PCDHB7: variants seen among roughly 807,000 people sequenced by gnomAD.
PCDHB7 encodes protocadherin beta-7.
For missense variants in PCDHB7, 1,148 were observed against 1,011.6 expected (o/e 1.13, Z -1.83); for synonymous variants, 542 against 463.1 (o/e 1.17, Z -2.19).
chr5:141,175,022 C>A lies in PCDHB7; in HGVS notation c.2187C>A (p.Pro729=). ...PVGRCSVPEG[P]FPRHLVDLSG... is the part of the protein sequence containing the mutation. ...GTCGCTGCTCGGTGCCTGAGGGCCC[C>A]TTTCCACGACATCTGGTGGACTTGA... Residue 729 remains proline (P), a synonymous_variant, in exon 1 of 1, where the codon CCC becomes CCA. Transcript: ENST00000231137. 6.2e-7 allele frequency: 1 copy of A among 1,614,120 alleles called. No individual in the cohort carries two copies. Among genetic ancestry groups the A allele is most frequent in the Non-Finnish European group, 8.5e-7 (1 of 1,179,966 alleles).
At position 141,173,722 on chromosome 5, in the gene PCDHB7, C is replaced by G; in HGVS notation, c.887C>G (p.Pro296Arg). 1 of 1,613,872 alleles carries G rather than the reference C, an allele frequency of 6.2e-7. No homozygotes were observed. The highest frequency in any genetic ancestry group is 8.5e-7 in the Non-Finnish European group (1 of 1,179,810). ...ATTCTCAAAACGTTTCAAATCAATC[C>G]AACATCTGGCAGTCTTCATCTTAAA... ...ERILKTFQINPTSGSLHLKAQ... is the reference protein window; with the variant it reads ...ERILKTFQINRTSGSLHLKAQ... Residue 296 changes from proline (P) to arginine (R), a missense_variant, in exon 1 of 1, where the codon CCA becomes CGA. Pro to Arg is a moderately radical substitution (Grantham distance 103). Transcript: ENST00000231137.
rs782515033 is a variant in PCDHB7, at chr5:141,172,857, G to C, written c.22G>C (p.Ala8Pro). 16 of 1,613,796 alleles carry C rather than the reference G, an allele frequency of 9.9e-6. No individual in the cohort carries two copies. The highest frequency in any genetic ancestry group is 1.6e-4 in the Middle Eastern group (1 of 6,084). The change falls in exon 1 of 1, where the codon GCT (alanine) becomes CCT (proline). Residue 8 changes from alanine to proline, a missense_variant. Coordinates refer to ENST00000231137, the MANE Select transcript of PCDHB7 (RefSeq NM_018940.4). ...AAGAATGGAGGCCAGAGTGGAGCGT[G>C]CTGTGCAGAAAAGGCAAGTCTTATT... MEARVER[A>P]VQKRQVLFLC...
Position 141,175,358 on chromosome 5 carries a change from G to A in PCDHB7, c.*141G>A. 3.1e-6 allele frequency: 3 copies of A among 982,898 alleles called. No individual in the cohort carries two copies. Among genetic ancestry groups the A allele is most frequent in the Non-Finnish European group, 4.4e-6 (3 of 679,600 alleles). The allele number at this position is 982,898 out of a possible 1,614,324, so 60.9% of individuals were successfully genotyped here. On this transcript the variant is annotated 3_prime_UTR_variant, in exon 1 of 1. Coordinates refer to ENST00000231137, the MANE Select transcript of PCDHB7 (RefSeq NM_018940.4). ...GCAATAAATTTCTATACATAAAATAGGATCCTGATTTAGTATCAAGAACCC... is the reference window on the plus strand; with the variant it reads ...GCAATAAATTTCTATACATAAAATAAGATCCTGATTTAGTATCAAGAACCC...
In PCDHB7 at chr5:141,174,239, G is replaced by C; in HGVS notation, c.1404G>C (p.Leu468=). The C allele has an allele frequency of 6.2e-7, 1 of 1,612,724 alleles. No individual in the cohort carries two copies. Residue 468 remains leucine, a synonymous_variant, in exon 1 of 1, where the codon CTG becomes CTC. Transcript: ENST00000231137. ...TCCGTGAGAACAACAGCCCCGCCCT[G>C]CCCATCGGCAGTGTCAGCGCCACAG... ...LFVRENNSPA[L]PIGSVSATDR...
In PCDHB7 at chr5:141,174,803, C is replaced by T. The variant is rs1554280328; in HGVS notation, c.1968C>T (p.Ala656=). 6.2e-7 allele frequency: 1 copy of T among 1,611,644 alleles called. No homozygotes were observed. Among genetic ancestry groups the T allele is most frequent in the Admixed American group, 1.7e-5 (1 of 59,982 alleles). ...GCGAGCCTCCGCGCTCGGCCACCGC[C>T]ACGCTGCACGTGCTCCTGGTGGACG... ...DNGEPPRSAT[A]TLHVLLVDGF... Residue 656 remains alanine, a synonymous_variant, in exon 1 of 1, where the codon GCC becomes GCT. Transcript: ENST00000231137.
chr5:141,174,405 C>G lies in PCDHB7; in HGVS notation c.1570C>G (p.Leu524Val), dbSNP rs1554280230. ...FALRSLDYEA[L>V]QAFEFRVGAT... ...CCTCAGGTCCCTGGACTACGAGGCC[C>G]TGCAGGCGTTCGAGTTCCGCGTGGG... Residue 524 changes from leucine to valine, a missense_variant, in exon 1 of 1, where the codon CTG becomes GTG. Physicochemically the swap from Leu to Val is conservative, Grantham distance 32. Coordinates refer to ENST00000231137, the MANE Select transcript of PCDHB7 (RefSeq NM_018940.4). The G allele has an allele frequency of 2.5e-6, 4 of 1,612,450 alleles. No individual in the cohort carries two copies. The highest frequency in any genetic ancestry group is 4.5e-5 in the East Asian group (2 of 44,848).
Position 141,175,159 on chromosome 5 carries a change from A to G in PCDHB7, c.2324A>G (p.Gln775Arg), listed in dbSNP as rs1588350413. ...CCAATTATCCCCAACCTGCTACCCC[A>G]GAGCACAGGCAGGGAAGTGGAAGAA... ...LKPIIPNLLP[Q>R]STGREVEENR... Residue 775 changes from glutamine to arginine, a missense_variant, in exon 1 of 1, where the codon CAG becomes CGG. Coordinates refer to ENST00000231137, the MANE Select transcript of PCDHB7 (RefSeq NM_018940.4). 1 of 1,614,016 alleles carries G rather than the reference A, an allele frequency of 6.2e-7. No individual in the cohort carries two copies. Among genetic ancestry groups the G allele is most frequent in the Non-Finnish European group, 8.5e-7 (1 of 1,179,890 alleles).
chr5:141,173,619 G>C lies in PCDHB7; in HGVS notation c.784G>C (p.Val262Leu), dbSNP rs782392906. 6.2e-7 allele frequency: 1 copy of C among 1,614,182 alleles called. No homozygotes were observed. Among genetic ancestry groups the C allele is most frequent in the South Asian group, 1.1e-5 (1 of 91,080 alleles). ...PENSPVGSMV[V>L]SVSARDLDTG... ...AAATAGCCCCGTTGGTTCCATGGTT[G>C]TCTCCGTGTCAGCCAGAGATTTAGA... Residue 262 changes from valine (V) to leucine (L), a missense_variant, in exon 1 of 1, where the codon GTC becomes CTC. By Grantham distance (32) the Val-to-Leu change is conservative. Transcript: ENST00000231137.
In PCDHB7 at chr5:141,172,781, T is replaced by G; in HGVS notation, c.-55T>G. 3 of 1,441,246 alleles carry G rather than the reference T, an allele frequency of 2.1e-6. No homozygotes were observed. Among genetic ancestry groups the G allele is most frequent in the Non-Finnish European group, 2.9e-6 (3 of 1,044,842 alleles). 89.3% of individuals were successfully genotyped at this position (1,441,246 alleles called of 1,614,324 possible). Reference sequence around the variant, plus strand: ...CAAAGGATTCCGCTGCTGCCATTTGTGAGAGCCGCTGGAGGCTGAGTGAAA... The same window carrying G: ...CAAAGGATTCCGCTGCTGCCATTTGGGAGAGCCGCTGGAGGCTGAGTGAAA... On this transcript the variant is annotated 5_prime_UTR_variant, in exon 1 of 1. The change abolishes the stop of an existing upstream ORF in the 5' untranslated region. Coordinates refer to ENST00000231137, the MANE Select transcript of PCDHB7 (RefSeq NM_018940.4).
Position 141,175,110 on chromosome 5 carries a change from A to G in PCDHB7, c.2275A>G (p.Thr759Ala). 3 of 1,614,232 alleles carry G rather than the reference A, an allele frequency of 1.9e-6. No homozygotes were observed. In the South Asian group the frequency reaches 3.3e-5, roughly 18 times the overall value. ...YEVCLTGGSG[T>A]NEFKFLKPII... Reference sequence around the variant, plus strand: ...GGTGTGCCTGACTGGAGGCTCCGGGACAAATGAGTTCAAGTTTCTGAAACC... The same window carrying G: ...GGTGTGCCTGACTGGAGGCTCCGGGGCAAATGAGTTCAAGTTTCTGAAACC... The change falls in exon 1 of 1, where the codon ACA (threonine) becomes GCA (alanine). Residue 759 changes from threonine to alanine, a missense_variant. Thr to Ala is a moderately conservative substitution (Grantham distance 58). Coordinates refer to ENST00000231137, the MANE Select transcript of PCDHB7 (RefSeq NM_018940.4).
Position 141,175,057 on chromosome 5 carries a change from G to A in PCDHB7, c.2222G>A (p.Gly741Glu). The A allele has an allele frequency of 6.2e-7, 1 of 1,614,240 alleles. No individual in the cohort carries two copies. The highest frequency in any genetic ancestry group is 1.1e-5 in the South Asian group (1 of 91,086). Residue 741 changes from glycine to glutamate, a missense_variant, in exon 1 of 1, where the codon GGG (glycine) becomes GAG (glutamate). Coordinates refer to ENST00000231137, the MANE Select transcript of PCDHB7 (RefSeq NM_018940.4). ...PRHLVDLSGTGTLSQSYQYEV... is the reference protein window; with the variant it reads ...PRHLVDLSGTETLSQSYQYEV... ...CATCTGGTGGACTTGAGCGGCACCG[G>A]GACCCTATCCCAGAGCTACCAGTAT...
chr5:141,174,270 G>A lies in PCDHB7; in HGVS notation c.1435G>A (p.Asp479Asn). 3 of 1,612,604 alleles carry A rather than the reference G, an allele frequency of 1.9e-6. No individual in the cohort carries two copies. The highest frequency in any genetic ancestry group is 2.5e-6 in the Non-Finnish European group (3 of 1,179,596). ...PIGSVSATDR[D>N]SGTNAQVIYS... ...CGGCAGTGTCAGCGCCACAGACAGA[G>A]ACTCGGGCACCAACGCCCAGGTCAT... Residue 479 changes from aspartate (D) to asparagine (N), a missense_variant, in exon 1 of 1, where the codon GAC becomes AAC. Asp to Asn is a conservative substitution (Grantham distance 23). Transcript: ENST00000231137.
Position 141,174,496 on chromosome 5 carries a change from C to T in PCDHB7, c.1661C>T (p.Ala554Val), listed in dbSNP as rs17844467. Reference protein sequence around the residue: ...EALVRVLVLDANDNSPFVLYP... With the variant: ...EALVRVLVLDVNDNSPFVLYP... Reference sequence around the variant, plus strand: ...CTGGTGCGCGTGCTGGTGCTGGACGCCAACGACAACTCGCCCTTCGTGCTG... The same window carrying T: ...CTGGTGCGCGTGCTGGTGCTGGACGTCAACGACAACTCGCCCTTCGTGCTG... Residue 554 changes from alanine (A) to valine (V), a missense_variant, in exon 1 of 1, where the codon GCC (alanine) becomes GTC (valine). Transcript: ENST00000231137. 2 of 1,611,174 alleles carry T rather than the reference C, an allele frequency of 1.2e-6. No individual in the cohort carries two copies. The highest frequency in any genetic ancestry group is 2.2e-5 in the South Asian group (2 of 90,968).
At position 141,174,246 on chromosome 5, in the gene PCDHB7, G is replaced by T; in HGVS notation, c.1411G>T (p.Gly471Cys). The T allele has an allele frequency of 2.5e-6, 4 of 1,612,746 alleles. No individual in the cohort carries two copies. Among genetic ancestry groups the T allele is most frequent in the Non-Finnish European group, 3.4e-6 (4 of 1,179,702 alleles). Residue 471 changes from glycine (G) to cysteine (C), a missense_variant, in exon 1 of 1, where the codon GGC becomes TGC. Gly to Cys is a radical substitution (Grantham distance 159, BLOSUM62 -3). Coordinates refer to ENST00000231137, the MANE Select transcript of PCDHB7 (RefSeq NM_018940.4). ...GAACAACAGCCCCGCCCTGCCCATC[G>T]GCAGTGTCAGCGCCACAGACAGAGA... ...RENNSPALPI[G>C]SVSATDRDSG...
At position 141,174,978 on chromosome 5, in the gene PCDHB7, A is replaced by G. The variant is rs782038638; in HGVS notation, c.2143A>G (p.Ser715Gly). Residue 715 changes from serine to glycine, a missense_variant, in exon 1 of 1, where the codon AGC becomes GGC. Ser to Gly is a moderately conservative substitution (Grantham distance 56, BLOSUM62 0). Transcript: ENST00000231137. ...LFVAVRLCRR[S>G]RAAPVGRCSV... ...CGTGGCGGTGCGGCTGTGCAGGAGG[A>G]GCAGGGCGGCCCCGGTGGGTCGCTG... 9 of 1,610,828 alleles carry G rather than the reference A, an allele frequency of 5.6e-6. No individual in the cohort carries two copies. The African/African-American group carries it at 1.2e-4, about 22-fold the overall frequency.
chr5:141,174,425 C>G lies in PCDHB7; in HGVS notation c.1590C>G (p.Arg530=), dbSNP rs2907329. Residue 530 remains arginine, a synonymous_variant, in exon 1 of 1, where the codon CGC becomes CGG. Transcript: ENST00000231137. ...AGGCCCTGCAGGCGTTCGAGTTCCG[C>G]GTGGGCGCCACAGACCGCGGCTCCC... ...DYEALQAFEF[R]VGATDRGSPA... is the part of the protein sequence containing the mutation. 864,470 of 1,594,504 alleles carry G rather than the reference C, an allele frequency of 0.54. 206,850 individuals are homozygous for G. Among genetic ancestry groups the G allele is most frequent in the East Asian group, 0.68 (30,331 of 44,678 alleles).
At position 141,173,475 on chromosome 5, in the gene PCDHB7, G is replaced by T. The variant is rs1753267115; in HGVS notation, c.640G>T (p.Ala214Ser). The change falls in exon 1 of 1, where the codon GCT (alanine) becomes TCT (serine). Residue 214 changes from alanine to serine, a missense_variant. Coordinates refer to ENST00000231137, the MANE Select transcript of PCDHB7 (RefSeq NM_018940.4). ...EIPEFSLTLT[A>S]LDGGSPPRSG... ...ACCAGAGTTCAGTTTAACCCTCACCGCTTTAGACGGCGGCTCTCCTCCAAG... is the reference window on the plus strand; with the variant it reads ...ACCAGAGTTCAGTTTAACCCTCACCTCTTTAGACGGCGGCTCTCCTCCAAG... 1 of 1,614,004 alleles carries T rather than the reference G, an allele frequency of 6.2e-7. No individual in the cohort carries two copies. Among genetic ancestry groups the T allele is most frequent in the Admixed American group, 1.7e-5 (1 of 59,994 alleles).
rs543108884 is a variant in PCDHB7, at chr5:141,174,748, A to G, written c.1913A>G (p.Gln638Arg). The change falls in exon 1 of 1, where the codon CAG (glutamine) becomes CGG (arginine). Residue 638 changes from glutamine (Q) to arginine (R), a missense_variant. Physicochemically the swap from Gln to Arg is conservative, Grantham distance 43. Coordinates refer to ENST00000231137, the MANE Select transcript of PCDHB7 (RefSeq NM_018940.4). ...CTGAGCGAGCGCGACGCAGCCAAGCAGAGGCTGGTGGTGCTGGTCAAGGAC... is the reference window on the plus strand; with the variant it reads ...CTGAGCGAGCGCGACGCAGCCAAGCGGAGGCTGGTGGTGCTGGTCAAGGAC... ...RLLSERDAAK[Q>R]RLVVLVKDNG... 1.1e-5 allele frequency: 17 copies of G among 1,611,334 alleles called. No individual in the cohort carries two copies. Among genetic ancestry groups the G allele is most frequent in the Non-Finnish European group, 1.4e-5 (17 of 1,179,764 alleles).
Position 141,175,595 on chromosome 5 carries a change from A to AT in PCDHB7, c.*383dup, listed in dbSNP as rs199570362. 1.7e-3 allele frequency: 384 copies of AT among 228,492 alleles called. No homozygotes were observed. Among genetic ancestry groups the AT allele is most frequent in the Non-Finnish European group, 2.2e-3 (244 of 111,074 alleles). 14.2% of individuals were successfully genotyped at this position (228,492 alleles called of 1,614,324 possible). On this transcript the variant is annotated 3_prime_UTR_variant, in exon 1 of 1. Transcript: ENST00000231137. ...TAGACTGTAGAGTATCTTTTTAAGCATTTTTAAAAAATGCTTTTAATGCAT... is the reference window on the plus strand; with the variant it reads ...TAGACTGTAGAGTATCTTTTTAAGCATTTTTTAAAAAATGCTTTTAATGCAT...
Sources: gnomAD v4.1 joint callset for allele counts on GRCh38, gnomAD v4.1.1 for gene constraint, MANE v1.5 for transcripts, NCBI Gene and HGNC (gene_info 2026-07-23, HGNC 2026-07-21) for gene names.